The following DYNC2I1 variants were observed in gnomAD, a reference collection of about 807,000 sequenced individuals.
DYNC2I1 encodes the protein dynein 2 intermediate chain 1.
In DYNC2I1, 89 loss-of-function variants were observed where a neutral mutation model predicts 133.4. The observed-to-expected ratio is 0.67, with a 90% CI of 0.56 to 0.80. The LOEUF (loss-of-function observed/expected upper bound fraction) is 0.80, where lower values mean the gene tolerates loss of function less well. Ranked by LOEUF, DYNC2I1 falls within the 30% of genes least tolerant of loss-of-function variation. DYNC2I1 has a pLI of 0.00. For missense variants in DYNC2I1, 1,291 were observed against 1,314.5 expected (o/e 0.98, Z 0.28); for synonymous variants, 504 against 484.3 (o/e 1.04, Z -0.54).
intron 23 of DYNC2I1, among the ~76,000 whole-genome samples, chr7:158,937,238 A>C (rs1850850155): frequency 6.6e-6 from 1 of 152,222 alleles, no homozygotes; most frequent in Non-Finnish European, 1.5e-5. Context: ...TGAGAAACAT[A>C]TTTGCTGGAC....
At chr7:158,856,175 T>C (rs575780346), upstream of DYNC2I1, among the ~76,000 whole-genome samples, 43 of 152,142 alleles carry the variant, frequency 2.8e-4, no homozygotes, top group African/African-American at 1.0e-3. Context: ...CTCGATCTCC[T>C]GACCTCATGA....
upstream of DYNC2I1, among the ~76,000 whole-genome samples, chr7:158,854,883 A>G (rs1841137839): frequency 6.6e-6 from 1 of 152,256 alleles, no homozygotes; most frequent in South Asian, 2.1e-4. Flanking sequence ...GTGAGGACAC[A>G]CATCTTGAAA....
At chr7:158,934,911 C>A (rs978277680) in intron 23 of DYNC2I1, among the ~76,000 whole-genome samples, 12 of 152,132 alleles carry the variant, frequency 7.9e-5, no homozygotes, top group African/African-American at 2.9e-4. Context: ...ACAAATTGGT[C>A]ATTTATGGGG....
In DYNC2I1 at chr7:158,945,813, G is replaced by A. The variant is rs371297535; in HGVS notation, c.*34G>A. On this transcript the variant is annotated 3_prime_UTR_variant, in exon 25 of 25. Coordinates refer to ENST00000407559, the MANE Select transcript of DYNC2I1 (RefSeq NM_018051.5). The surrounding 1 kb of genome is among the most constrained non-coding windows in gnomAD (Gnocchi z 4.1). ...GCTGAGAGGACCGCGTTTCTGTAAT[G>A]ACCCAGATTTAAAAGACATAAGGTG... The A allele has an allele frequency of 3.1e-4, 458 of 1,482,724 alleles. 3 individuals carry two copies. The highest frequency in any genetic ancestry group is 2.0e-3 in the Middle Eastern group (11 of 5,526). The allele number at this position is 1,482,724 out of a possible 1,614,324, so 91.8% of individuals were successfully genotyped here.
At chr7:158,907,473 TG>T (rs1487520774) in intron 11 of DYNC2I1, among the ~76,000 whole-genome samples, 2 of 152,108 alleles carry the variant, frequency 1.3e-5, no homozygotes, top group African/African-American at 4.8e-5. Context: ...TTGTGGGCAG[TG>T]GGGGATCTTG....
rs1366277305 is a variant in DYNC2I1, at chr7:158,871,473, T to A, written c.401T>A (p.Leu134His). The stretch of plus-strand genomic sequence containing the variant: ...GACAGAAGGGCCCGGAAGGAAGAGC[T>A]CCGGCAGACCGTGGCCCACCACAAC... Reference protein sequence around the residue: ...EKDRRARKEELRQTVAHHNLL... With the variant: ...EKDRRARKEEHRQTVAHHNLL... Residue 134 changes from leucine to histidine, a missense_variant, in exon 3 of 25, where the codon CTC becomes CAC. Coordinates refer to ENST00000407559, the MANE Select transcript of DYNC2I1 (RefSeq NM_018051.5). The A allele has an allele frequency of 6.5e-7, 1 of 1,548,558 alleles. No homozygotes were observed. Among genetic ancestry groups the A allele is most frequent in the South Asian group, 1.2e-5 (1 of 84,022 alleles).
chr7:158,914,656 T>C (rs375309063), intron 14 of DYNC2I1, among the ~76,000 whole-genome samples: 13 of 152,142 alleles, frequency 8.5e-5, no homozygotes, highest in African/African-American at 2.9e-4. Context: ...TATTTGAAAA[T>C]ATTAAACTTC....
At chr7:158,915,970 A>C (rs1408591352) in intron 14 of DYNC2I1, among the ~76,000 whole-genome samples, 2 of 134,804 alleles carry the variant, frequency 1.5e-5, no homozygotes, top group Non-Finnish European at 3.2e-5. Flanking sequence ...GGTTGACATT[A>C]AGGATGATTG....
chr7:158,863,610 T>C (rs867199062), intron 1 of DYNC2I1, among the ~76,000 whole-genome samples: 22 of 105,742 alleles, frequency 2.1e-4, no homozygotes, highest in African/African-American at 8.2e-4. Flanking sequence ...CGGACGTCCT[T>C]AGCTCCGGGT....
chr7:158,879,475 C>T (rs1393112253), intron 4 of DYNC2I1, among the ~76,000 whole-genome samples: 3 of 151,998 alleles, frequency 2.0e-5, no homozygotes, highest in Non-Finnish European at 4.4e-5. Flanking sequence ...ATCCCTAATG[C>T]AATATAAATG....
chr7:158,849,501 A>G, the DYNC2I1 span, among the ~76,000 whole-genome samples: 2 of 152,216 alleles, frequency 1.3e-5, no homozygotes, highest in East Asian at 1.9e-4. Flanking sequence ...TACACAGACA[A>G]GTGAAGGGTG....
intron 14 of DYNC2I1, 122 bp from the exon 15 acceptor site, chr7:158,918,618 G>T (rs1430919237): frequency 5.3e-6 from 6 of 1,123,360 alleles, no homozygotes; most frequent in African/African-American, 3.1e-5. Flanking sequence ...TTGTAGTTAT[G>T]ATAGCGTCAT....
At chr7:158,874,784 C>G (rs577887193) in intron 3 of DYNC2I1, among the ~76,000 whole-genome samples, 17 of 152,254 alleles carry the variant, frequency 1.1e-4, no homozygotes, top group South Asian at 2.1e-4. Context: ...GGGCATCATC[C>G]CTGAATTCCA....
chr7:158,880,570 A>T (rs571256207), intron 5 of DYNC2I1, among the ~76,000 whole-genome samples: 11 of 152,180 alleles, frequency 7.2e-5, no homozygotes, highest in East Asian at 1.9e-4. Context: ...TCAAAAAAAA[A>T]TTTTTTTTGA....
At chr7:158,936,020 C>T (rs1052447207) in intron 23 of DYNC2I1, among the ~76,000 whole-genome samples, 16 of 152,100 alleles carry the variant, frequency 1.1e-4, no homozygotes, top group Admixed American at 2.6e-4. Context: ...GGCAAAACTC[C>T]GTCTCTACTA....
intron 17 of DYNC2I1, among the ~76,000 whole-genome samples, chr7:158,925,054 C>G (rs989287472): frequency 6.6e-6 from 1 of 152,178 alleles, no homozygotes; most frequent in African/African-American, 2.4e-5. Flanking sequence ...CCGCACCCGG[C>G]CTTGTCTTTG....
chr7:158,844,389 T>C, the DYNC2I1 span, among the ~76,000 whole-genome samples: 1 of 151,976 alleles, frequency 6.6e-6, no homozygotes, highest in Middle Eastern at 3.2e-3. Context: ...CTACTGACCC[T>C]GAGGAGGTTT....
At chr7:158,907,522 C>T (rs1450505460) in intron 11 of DYNC2I1, among the ~76,000 whole-genome samples, 4 of 152,004 alleles carry the variant, frequency 2.6e-5, no homozygotes, top group Admixed American at 1.3e-4. Context: ...AGATGGGGGT[C>T]ATTGGTTGCC....
chr7:158,900,952 T>C (rs570726362), intron 8 of DYNC2I1, among the ~76,000 whole-genome samples: 2 of 152,212 alleles, frequency 1.3e-5, no homozygotes, highest in African/African-American at 4.8e-5. Context: ...ATCTCTCTGC[T>C]TGCCTGCTAT....
Sources: gnomAD v4.1 joint callset for allele counts (sites outside exome capture counted in the v4.1 genomes callset) on GRCh38, gnomAD v4.1.1 for gene constraint, Gnocchi (gnomAD v3.1) non-coding constraint, MANE v1.5 for transcripts, NCBI Gene and HGNC (gene_info 2026-07-23, HGNC 2026-07-21) for gene names.